The following GABRA5 variants were observed in gnomAD, a reference collection of about 807,000 sequenced individuals.
GABRA5 encodes the protein gamma-aminobutyric acid receptor subunit alpha-5.
Under a neutral mutation model 47.3 loss-of-function variants are expected in GABRA5, and 18 were observed. The ratio of observed to expected loss-of-function variants is 0.38; its 90% CI spans 0.26 to 0.56. The LOEUF is 0.56. Ranked by LOEUF, GABRA5 falls within the 20% of genes least tolerant of loss-of-function variation. GABRA5 has a pLI of 0.71. For missense variants in GABRA5, 365 were observed against 599.3 expected, an observed-to-expected ratio of 0.61 and a Z score of 4.08; for synonymous variants, 237 against 229.3, an observed-to-expected ratio of 1.03 and a Z score of -0.30.
chr15:26,924,158 CTT>C lies in GABRA5; in HGVS notation c.580+9289_580+9290del, dbSNP rs536989357. Among the ~76,000 whole-genome samples, 884 of 123,736 alleles carry C rather than the reference CTT, an allele frequency of 7.1e-3. 8 individuals are homozygous for C. The highest frequency in any genetic ancestry group is 0.023 in the African/African-American group (746 of 32,482). 81.2% of individuals were successfully genotyped at this position (123,736 alleles called of 152,430 possible). ...ATATTCTGTATATTATAATACAAGGCTTTTTTTTTTTTTTTTTCTCACTGCTT... is the reference window on the plus strand; with the variant it reads ...ATATTCTGTATATTATAATACAAGGCTTTTTTTTTTTTTTTCTCACTGCTT... On this transcript the variant is annotated intron_variant, in intron 7 of 10. Coordinates refer to ENST00000335625, the MANE Select transcript of GABRA5 (RefSeq NM_000810.4).
At chr15:26,892,840 A>G (rs2140268802) in intron 6 of GABRA5, among the ~76,000 whole-genome samples, 1 of 152,084 alleles carries the variant, frequency 6.6e-6, no homozygotes, top group South Asian at 2.1e-4. Context: ...TTCTCTGAGC[A>G]AGTTGTGCGG....
chr15:26,924,500 C>A (rs1893912845), intron 7 of GABRA5, among the ~76,000 whole-genome samples: 1 of 152,178 alleles, frequency 6.6e-6, no homozygotes, highest in Non-Finnish European at 1.5e-5. Flanking sequence ...GTTGCCCCTG[C>A]TGGTTTAGAT....
Position 26,871,867 on chromosome 15 carries a change from G to A in GABRA5, c.86+2533G>A, listed in dbSNP as rs150943661. On this transcript the variant is annotated intron_variant, in intron 3 of 10. Transcript: ENST00000335625. ...TGTTATAAATTTTCCTGTAGTGAACGTATTTGGCTTACAAGTTTTCTTAGG... is the reference window on the plus strand; with the variant it reads ...TGTTATAAATTTTCCTGTAGTGAACATATTTGGCTTACAAGTTTTCTTAGG... Among the ~76,000 whole-genome samples the A allele has an allele frequency of 6.4e-3, 974 of 152,298 alleles. 19 individuals are homozygous for A. Among genetic ancestry groups the A allele is most frequent in the African/African-American group, 0.022 (916 of 41,552 alleles).
chr15:26,890,836 C>T (rs564755718), intron 6 of GABRA5, among the ~76,000 whole-genome samples: 17 of 152,202 alleles, frequency 1.1e-4, no homozygotes, highest in African/African-American at 3.9e-4. Flanking sequence ...AATGAATGAA[C>T]CATAATGGAA....
chr15:26,876,488 C>A (rs1264735841), intron 3 of GABRA5, among the ~76,000 whole-genome samples: 1 of 151,968 alleles, frequency 6.6e-6, no homozygotes, highest in East Asian at 1.9e-4. Context: ...TGCCCTGAGG[C>A]CCAGTGGAAA....
chr15:26,897,455 C>T (rs762926982), intron 6 of GABRA5, among the ~76,000 whole-genome samples: 4 of 152,126 alleles, frequency 2.6e-5, no homozygotes, highest in Non-Finnish European at 5.9e-5. Flanking sequence ...CTTCTACCTC[C>T]AGAACTGTGG....
At chr15:26,911,739 A>G (rs1459830894) in intron 6 of GABRA5, among the ~76,000 whole-genome samples, 1 of 152,124 alleles carries the variant, frequency 6.6e-6, no homozygotes, top group Non-Finnish European at 1.5e-5. Flanking sequence ...TTGGAGCTGG[A>G]TGCCAGCACA....
chr15:26,900,803 C>T (rs1163027773), intron 6 of GABRA5, among the ~76,000 whole-genome samples: 1 of 152,076 alleles, frequency 6.6e-6, no homozygotes, highest in Non-Finnish European at 1.5e-5. Flanking sequence ...CTCACCATTA[C>T]GATATCACAG....
chr15:26,937,826 C>G (rs923764553), intron 8 of GABRA5, among the ~76,000 whole-genome samples: 3 of 152,260 alleles, frequency 2.0e-5, no homozygotes, highest in African/African-American at 4.8e-5. Flanking sequence ...CCATCCCAGC[C>G]TGGCTTCCCT....
In GABRA5 at chr15:26,948,414, A is replaced by G; in HGVS notation, c.*181A>G. On this transcript the variant is annotated 3_prime_UTR_variant, in exon 11 of 11. Transcript: ENST00000335625. Reference sequence around the variant, plus strand: ...CTATATGTAACTTCAGATGTTTCCAAGATGTCCCATTGATAATTCGAGCAA... The same window carrying G: ...CTATATGTAACTTCAGATGTTTCCAGGATGTCCCATTGATAATTCGAGCAA... 1 of 614,686 alleles carries G rather than the reference A, an allele frequency of 1.6e-6. No homozygotes were observed. The highest frequency in any genetic ancestry group is 2.8e-6 in the Non-Finnish European group (1 of 355,406). The allele number at this position is 614,686 out of a possible 1,614,324, so 38.1% of individuals were successfully genotyped here. A position where few individuals can be genotyped will look rare whatever the true frequency, so the allele number is the denominator to read the frequency against.
At chr15:26,919,974 A>G (rs1325530699) in intron 7 of GABRA5, among the ~76,000 whole-genome samples, 1 of 151,792 alleles carries the variant, frequency 6.6e-6, no homozygotes, top group Non-Finnish European at 1.5e-5. Context: ...ATCCATTCAT[A>G]ATCTTATGAC....
At chr15:26,934,111 G>T (rs1894174758) in intron 7 of GABRA5, among the ~76,000 whole-genome samples, 1 of 152,104 alleles carries the variant, frequency 6.6e-6, no homozygotes, top group South Asian at 2.1e-4. Context: ...AATTATCCAG[G>T]CATGGTGGCA....
At chr15:26,945,487 C>T (rs1466081256) in intron 10 of GABRA5, among the ~76,000 whole-genome samples, 1 of 152,168 alleles carries the variant, frequency 6.6e-6, no homozygotes, top group Non-Finnish European at 1.5e-5. Context: ...AGGAAGAGAT[C>T]GAACCATGAT....
At chr15:26,944,232 A>G (rs1175852315) in intron 10 of GABRA5, among the ~76,000 whole-genome samples, 2 of 152,310 alleles carry the variant, frequency 1.3e-5, no homozygotes, top group East Asian at 3.9e-4. Context: ...CAAGGGCCAC[A>G]AGCCAGTTAC....
At chr15:26,946,559 G>A (rs559028150) in intron 10 of GABRA5, among the ~76,000 whole-genome samples, 1 of 151,876 alleles carries the variant, frequency 6.6e-6, no homozygotes, top group East Asian at 1.9e-4. Flanking sequence ...TTCCTTTGAA[G>A]CAAAATTTGT....
intron 6 of GABRA5, among the ~76,000 whole-genome samples, chr15:26,912,988 G>A (rs1893633880): frequency 6.6e-6 from 1 of 152,112 alleles, no homozygotes; most frequent in South Asian, 2.1e-4. Context: ...TTTGAGACCA[G>A]CCTGGCCAAC....
At chr15:26,923,833 C>T (rs945583484) in intron 7 of GABRA5, among the ~76,000 whole-genome samples, 1 of 152,008 alleles carries the variant, frequency 6.6e-6, no homozygotes, top group East Asian at 1.9e-4. Context: ...TGATTCTTTC[C>T]TTTTTCCCCT....
intron 9 of GABRA5, among the ~76,000 whole-genome samples, chr15:26,940,957 C>T (rs551213324): frequency 2.9e-4 from 44 of 152,306 alleles, no homozygotes; most frequent in African/African-American, 9.9e-4. Context: ...CTGTAAAGTA[C>T]GATTCACACA....
chr15:26,934,167 G>A (rs1894176943), intron 7 of GABRA5, among the ~76,000 whole-genome samples: 1 of 150,938 alleles, frequency 6.6e-6, no homozygotes, highest in East Asian at 2.0e-4. Flanking sequence ...TGGGAGAATC[G>A]CTTGAACCCG....
Sources: allele counts gnomAD v4.1 joint callset (sites outside exome capture counted in the v4.1 genomes callset), GRCh38; gene constraint gnomAD v4.1.1; transcripts MANE v1.5; gene names NCBI Gene and HGNC (gene_info 2026-07-23, HGNC 2026-07-21).